COBL: variants seen among roughly 807,000 people sequenced by gnomAD.
COBL encodes cordon-bleu WH2 repeat protein.
A neutral mutation model predicts 98.8 loss-of-function variants in COBL; 51 were observed. That is an observed-to-expected ratio of 0.52 (90% CI 0.41 to 0.65). The LOEUF (loss-of-function observed/expected upper bound fraction) is 0.65. Among genes scored for constraint, COBL ranks in the 30% least tolerant of loss-of-function variants. The pLI is 0.00. For missense variants in COBL, 1,617 were observed against 1,617.5 expected (o/e 1.00, Z 0.01); for synonymous variants, 634 against 651.7 (o/e 0.97, Z 0.41).
chr7:51,095,658 T>TATCC (rs891267881), intron 6 of COBL, among the ~76,000 whole-genome samples: 4 of 152,244 alleles, frequency 2.6e-5, no homozygotes, highest in African/African-American at 9.6e-5. Context: ...TCACTCTGGA[T>TATCC]ATAAGGACAT....
At chr7:51,136,572 A>T (rs989473636) in intron 5 of COBL, among the ~76,000 whole-genome samples, 1 of 152,182 alleles carries the variant, frequency 6.6e-6, no homozygotes, top group Non-Finnish European at 1.5e-5. Context: ...AGGCCATGGC[A>T]GACTCTTTAA....
At chr7:51,117,185 G>A (rs187888741) in intron 6 of COBL, among the ~76,000 whole-genome samples, 54 of 125,486 alleles carry the variant, frequency 4.3e-4, no homozygotes, top group Non-Finnish European at 7.8e-4. Flanking sequence ...ATGTAGCTAT[G>A]CACAGTTTTC....
intron 12 of COBL, among the ~76,000 whole-genome samples, chr7:51,020,522 C>T (rs1023293296): frequency 2.6e-5 from 4 of 152,314 alleles, no homozygotes; most frequent in Admixed American, 2.0e-4. Flanking sequence ...TAAATATACA[C>T]ATGGATTAGG....
At chr7:51,315,111 A>G (rs1354934970) in intron 1 of COBL, among the ~76,000 whole-genome samples, 3 of 152,212 alleles carry the variant, frequency 2.0e-5, no homozygotes, top group Non-Finnish European at 2.9e-5. Flanking sequence ...TAGGCTATGA[A>G]AGCCACAGAT....
chr7:51,305,470 TTAAAA>T (rs1244065543), intron 1 of COBL, among the ~76,000 whole-genome samples: 2 of 152,144 alleles, frequency 1.3e-5, no homozygotes, highest in African/African-American at 4.8e-5. Flanking sequence ...AGATCAACAG[TTAAAA>T]TAAAGAGACA....
At chr7:51,292,967 G>A (rs769693548) in intron 1 of COBL, among the ~76,000 whole-genome samples, 7 of 152,214 alleles carry the variant, frequency 4.6e-5, no homozygotes, top group Non-Finnish European at 7.3e-5. Flanking sequence ...GAAGGAATAA[G>A]TTACTAAACA....
At chr7:51,103,341 T>A (rs1004634092) in intron 6 of COBL, among the ~76,000 whole-genome samples, 1 of 152,236 alleles carries the variant, frequency 6.6e-6, no homozygotes, top group Non-Finnish European at 1.5e-5. Context: ...TTTTTTTTCC[T>A]ACTGTGGTGT....
At chr7:51,064,004 G>A (rs1227887458) in intron 7 of COBL, among the ~76,000 whole-genome samples, 1 of 152,198 alleles carries the variant, frequency 6.6e-6, no homozygotes, top group Non-Finnish European at 1.5e-5. Context: ...CCCATGCTAT[G>A]TACTTCTCTG....
At chr7:51,285,123 T>G (rs746369660) in intron 1 of COBL, among the ~76,000 whole-genome samples, 1 of 151,948 alleles carries the variant, frequency 6.6e-6, no homozygotes, top group Non-Finnish European at 1.5e-5. Context: ...ATTTTTGTAT[T>G]TTTAGTACAG....
intron 6 of COBL, among the ~76,000 whole-genome samples, chr7:51,124,136 G>A (rs1279448953): frequency 6.6e-6 from 1 of 152,188 alleles, no homozygotes; most frequent in Non-Finnish European, 1.5e-5. Flanking sequence ...CTAGCAGAGT[G>A]CCTGGGATGC....
chr7:51,193,664 A>G, intron 2 of COBL, 75 bp from the exon 3 acceptor site: 1 of 1,316,824 alleles, frequency 7.6e-7, no homozygotes, highest in South Asian at 1.3e-5. Flanking sequence ...ATAAGGGTAG[A>G]ACAAATGAAC....
rs574132471 is a variant in COBL, at chr7:51,217,365, G to C, written c.245+2376C>G. On this transcript the variant is annotated intron_variant, in intron 2 of 12. Coordinates refer to ENST00000265136, the MANE Select transcript of COBL (RefSeq NM_015198.5). ...CTTTTTTTTTTTTTTTTTTGAGATG[G>C]AGTTTCTCTCTTGTTGCCCAGGCTG... Among the ~76,000 whole-genome samples, 259 of 127,982 alleles carry C rather than the reference G, an allele frequency of 2.0e-3. 2 individuals are homozygous for C. The highest frequency in any genetic ancestry group is 8.0e-3 in the African/African-American group (242 of 30,252). 84.0% of individuals were successfully genotyped at this position (127,982 alleles called of 152,430 possible).
chr7:51,265,536 A>G lies in COBL; in HGVS notation c.42-45592T>C, dbSNP rs151132844. On this transcript the variant is annotated intron_variant, in intron 1 of 12. Coordinates refer to ENST00000265136, the MANE Select transcript of COBL (RefSeq NM_015198.5). ...GAATAGAACTTATCTCAGTTCAAAG[A>G]CCCAAAGCACATGTGCACAGAGGAC... Among the ~76,000 whole-genome samples, 350 of 152,254 alleles carry G rather than the reference A, an allele frequency of 2.3e-3. 2 individuals are homozygous for G. Among genetic ancestry groups the G allele is most frequent in the African/African-American group, 7.9e-3 (328 of 41,546 alleles).
intron 2 of COBL, among the ~76,000 whole-genome samples, chr7:51,207,089 C>T (rs2129071638): frequency 1.3e-5 from 2 of 152,238 alleles, no homozygotes; most frequent in Middle Eastern, 3.4e-3. Context: ...GTGGCTATTT[C>T]ACAAATATAT....
At chr7:51,233,997 A>G (rs1043144254) in intron 1 of COBL, among the ~76,000 whole-genome samples, 1 of 152,258 alleles carries the variant, frequency 6.6e-6, no homozygotes, top group African/African-American at 2.4e-5. Flanking sequence ...TATTTTATTT[A>G]GGATGAATTA....
intron 7 of COBL, among the ~76,000 whole-genome samples, chr7:51,070,426 A>AC (rs1486385446): frequency 5.8e-5 from 3 of 51,976 alleles, no homozygotes; most frequent in Non-Finnish European, 1.5e-4. Flanking sequence ...CACACACACA[A>AC]AATTCCGAGA....
At chr7:51,180,929 T>C (rs1788883088) in intron 5 of COBL, among the ~76,000 whole-genome samples, 1 of 152,224 alleles carries the variant, frequency 6.6e-6, no homozygotes, top group African/African-American at 2.4e-5. Flanking sequence ...TACTATATAT[T>C]GCTTGTGGTT....
At chr7:51,194,252 C>G (rs1045407224) in intron 2 of COBL, among the ~76,000 whole-genome samples, 1 of 152,096 alleles carries the variant, frequency 6.6e-6, no homozygotes, top group African/African-American at 2.4e-5. Context: ...ATAATGACCT[C>G]TAGCTCCATC....
At chr7:51,144,815 T>C (rs963385354) in intron 5 of COBL, among the ~76,000 whole-genome samples, 5 of 152,270 alleles carry the variant, frequency 3.3e-5, no homozygotes, top group African/African-American at 1.2e-4. Flanking sequence ...ATCTTTGTGT[T>C]TGGCTTTCAC....
Sources: allele counts gnomAD v4.1 joint callset (sites outside exome capture counted in the v4.1 genomes callset), GRCh38; gene constraint gnomAD v4.1.1; transcripts MANE v1.5; gene names NCBI Gene and HGNC (gene_info 2026-07-23, HGNC 2026-07-21).